Variants in ELL observed in about 807,000 individuals in gnomAD.
ELL encodes elongation factor for RNA polymerase II.
Under a neutral mutation model 64.0 loss-of-function variants are expected in ELL, and 18 were observed. That is an observed-to-expected ratio of 0.28 (90% CI 0.19 to 0.42). The LOEUF (loss-of-function observed/expected upper bound fraction) is 0.42. Among genes scored for constraint, ELL ranks in the 10% least tolerant of loss-of-function variants. The probability of loss-of-function intolerance (pLI) is 1.00; values close to 1 mark genes in which losing one functional copy is unlikely to be tolerated. For synonymous variants in ELL, 399 were observed against 376.2 expected, an observed-to-expected ratio of 1.06 and a Z score of -0.70; for missense variants, 797 against 870.4, an observed-to-expected ratio of 0.92 and a Z score of 1.06.
intron 1 of ELL, among the ~76,000 whole-genome samples, chr19:18,502,029 C>A (rs1383692326): frequency 6.6e-6 from 1 of 152,148 alleles, no homozygotes; most frequent in Non-Finnish European, 1.5e-5. Context: ...CCAGAGGCTG[C>A]TGGAGTGCGT....
At chr19:18,494,098 G>A (rs1424973005) in intron 1 of ELL, among the ~76,000 whole-genome samples, 1 of 151,906 alleles carries the variant, frequency 6.6e-6, no homozygotes, top group Non-Finnish European at 1.5e-5. Flanking sequence ...AGAGTGAATC[G>A]CCACAAAAAA....
chr19:18,494,550 C>A (rs1304748780), intron 1 of ELL, among the ~76,000 whole-genome samples: 4 of 152,074 alleles, frequency 2.6e-5, no homozygotes. Context: ...GCCACCACAC[C>A]TGACTAATTT....
chr19:18,469,701 T>G (rs910623345), intron 2 of ELL, among the ~76,000 whole-genome samples: 7 of 152,360 alleles, frequency 4.6e-5, no homozygotes, highest in Admixed American at 4.6e-4. Flanking sequence ...GGGCTCATCC[T>G]AGGCGCTTCC....
chr19:18,451,297 G>A (rs1974528546), intron 7 of ELL, among the ~76,000 whole-genome samples: 1 of 152,214 alleles, frequency 6.6e-6, no homozygotes. Context: ...GCCCAGGGTT[G>A]AGCCCACATC....
intron 1 of ELL, among the ~76,000 whole-genome samples, chr19:18,478,886 G>A (rs888072323): frequency 1.3e-5 from 2 of 152,234 alleles, no homozygotes; most frequent in African/African-American, 4.8e-5. Flanking sequence ...GGACACTCCT[G>A]TAAAGACAGC....
intron 2 of ELL, among the ~76,000 whole-genome samples, chr19:18,469,042 G>GGGGCCAGGTGCAGAGCCCA (rs1163695838): frequency 1.3e-5 from 2 of 152,214 alleles, no homozygotes; most frequent in Non-Finnish European, 2.9e-5. Flanking sequence ...CCTAGAAGCA[G>GGGGCCAGGTGCAGAGCCCA]GGGCCAGGTG....
chr19:18,459,547 T>C (rs1600441068), intron 5 of ELL, among the ~76,000 whole-genome samples: 1 of 122,148 alleles, frequency 8.2e-6, no homozygotes, highest in Non-Finnish European at 1.7e-5. Context: ...TGAGATGGAG[T>C]CTCGCTCAGT....
chr19:18,448,088 T>C (rs892397856), intron 8 of ELL, among the ~76,000 whole-genome samples: 1 of 135,680 alleles, frequency 7.4e-6, no homozygotes, highest in African/African-American at 2.9e-5. Context: ...ACCTGGCGAA[T>C]TTTTTTTTTT....
At chr19:18,502,037 C>G (rs562602846) in intron 1 of ELL, among the ~76,000 whole-genome samples, 4 of 152,252 alleles carry the variant, frequency 2.6e-5, no homozygotes, top group Admixed American at 2.0e-4. Context: ...TGCTGGAGTG[C>G]GTCCCACAGA....
intron 4 of ELL, among the ~76,000 whole-genome samples, chr19:18,462,994 G>A (rs546634535): frequency 1.6e-4 from 24 of 152,306 alleles, no homozygotes; most frequent in African/African-American, 5.5e-4. Context: ...GGTCCAGCAC[G>A]CTGCTCCCCT....
At chr19:18,505,497 C>T (rs1975864174) in intron 1 of ELL, among the ~76,000 whole-genome samples, 1 of 152,224 alleles carries the variant, frequency 6.6e-6, no homozygotes, top group South Asian at 2.1e-4. Context: ...CACACACATG[C>T]TCTTCACCTC....
rs1404137130 is a variant in ELL, at chr19:18,450,494, G to T, written c.1448C>A (p.Ala483Asp). The T allele has an allele frequency of 3.1e-6, 5 of 1,612,948 alleles. No individual in the cohort carries two copies. The South Asian group carries it at 5.5e-5, about 18-fold the overall frequency. Residue 483 changes from alanine (A) to aspartate (D), a missense_variant, in exon 8 of 12, where the codon GCC (alanine) becomes GAC (aspartate). Coordinates refer to ENST00000262809, the MANE Select transcript of ELL (RefSeq NM_006532.4). The stretch of plus-strand genomic sequence containing the variant: ...GCACCTACCTGGGGTGTCTGCTGGG[G>T]CTCCGGGGGTGGCATGGGTGGCAGG... The part of the protein sequence containing the change: ...CAPATHATPG[A>D]PADTPGLNGT...
chr19:18,510,358 G>A (rs1411925880), intron 1 of ELL, among the ~76,000 whole-genome samples: 2 of 152,244 alleles, frequency 1.3e-5, no homozygotes, highest in East Asian at 3.8e-4. Context: ...GGGTGACAGA[G>A]TGAGACTCGG....
intron 1 of ELL, among the ~76,000 whole-genome samples, chr19:18,509,734 A>G (rs936811232): frequency 2.7e-5 from 4 of 149,820 alleles, no homozygotes; most frequent in Middle Eastern, 3.2e-3. Context: ...TCCTAAGAAA[A>G]CTCTGCTCCT....
In ELL at chr19:18,492,814, C is replaced by T. The variant is rs1390087853; in HGVS notation, c.136-19932G>A. On this transcript the variant is annotated intron_variant, in intron 1 of 11. Coordinates refer to ENST00000262809, the MANE Select transcript of ELL (RefSeq NM_006532.4). ...CCCAGCTCCACTGCCCTCTAAGCGG[C>T]ATGGCCTTGGGTGGATGAGTGAGCC... 2.0e-5 allele frequency among the ~76,000 whole-genome samples: 3 copies of T among 152,178 alleles called. No homozygotes were observed. In the East Asian group the frequency reaches 5.8e-4, roughly 29 times the overall value.
intron 2 of ELL, among the ~76,000 whole-genome samples, chr19:18,469,203 A>G (rs1219334997): frequency 6.6e-6 from 1 of 152,172 alleles, no homozygotes; most frequent in Admixed American, 6.5e-5. Flanking sequence ...GGCGTCCTTC[A>G]GGATGCAGGG....
chr19:18,458,943 C>T (rs1974742633), intron 5 of ELL, among the ~76,000 whole-genome samples: 1 of 151,788 alleles, frequency 6.6e-6, no homozygotes, highest in Non-Finnish European at 1.5e-5. Flanking sequence ...GGCTGGAGTG[C>T]AGTGGTGTGA....
intron 6 of ELL, among the ~76,000 whole-genome samples, chr19:18,456,419 G>A (rs1419421762): frequency 1.3e-5 from 2 of 152,216 alleles, no homozygotes; most frequent in Middle Eastern, 3.2e-3. Context: ...CAGGACCATC[G>A]TCTGGGCATG....
At chr19:18,500,337 A>G (rs875396) in intron 1 of ELL, among the ~76,000 whole-genome samples, 70,288 of 151,648 alleles carry the variant, frequency 0.46, 18,721 homozygotes, top group African/African-American at 0.75. Context: ...GACAGGTGTG[A>G]CCATGAGGCT....
Sources: allele counts gnomAD v4.1 joint callset (sites outside exome capture counted in the v4.1 genomes callset), GRCh38; gene constraint gnomAD v4.1.1; transcripts MANE v1.5; gene names NCBI Gene and HGNC (gene_info 2026-07-23, HGNC 2026-07-21).